Variants in ABCG1 observed in about 807,000 individuals in gnomAD.
ABCG1 encodes the protein ATP-binding cassette sub-family G member 1.
In ABCG1, 29 loss-of-function variants were observed where a neutral mutation model predicts 69.2. The observed-to-expected ratio is 0.42, with a 90% CI of 0.31 to 0.57. The LOEUF is 0.57. ABCG1 is among the 20% of genes least tolerant of loss of function. The pLI, the probability that ABCG1 is intolerant of heterozygous loss-of-function variation, is 0.15. For missense variants in ABCG1, 718 were observed against 898.1 expected (o/e 0.80, Z 2.56); for synonymous variants, 370 against 374.8 (o/e 0.99, Z 0.15).
At chr21:42,231,147 C>A (rs2067895631) in intron 2 of ABCG1, among the ~76,000 whole-genome samples, 2 of 152,256 alleles carry the variant, frequency 1.3e-5, no homozygotes, top group African/African-American at 4.8e-5. Context: ...GAGGCTCCAG[C>A]TTCCCTCTTC....
intron 2 of ABCG1, among the ~76,000 whole-genome samples, chr21:42,246,355 C>T (rs2068133941): frequency 6.6e-6 from 1 of 152,206 alleles, no homozygotes; most frequent in African/African-American, 2.4e-5. Flanking sequence ...ACTGGCAAAA[C>T]AATAAAGCTG....
upstream of ABCG1, among the ~76,000 whole-genome samples, chr21:42,215,137 T>C (rs1203346047): frequency 6.6e-6 from 1 of 152,150 alleles, no homozygotes; most frequent in Non-Finnish European, 1.5e-5. Context: ...AGACCTGTTG[T>C]TGGGGTCCTG....
intron 13 of ABCG1, among the ~76,000 whole-genome samples, chr21:42,293,963 T>TCCACACACACACTCCACACACACACA (rs2069151161): frequency 3.7e-5 from 1 of 26,974 alleles, no homozygotes; most frequent in South Asian, 8.7e-4. Flanking sequence ...ACACACACAC[T>TCCACACACACACTCCACACACACACA]CCACACACAC....
At chr21:42,294,895 A>G (rs1278658254) in intron 14 of ABCG1, 2 of 518,166 alleles carry the variant, frequency 3.9e-6, no homozygotes, top group Non-Finnish European at 7.0e-6. Flanking sequence ...CCGGAGAGCC[A>G]TGGCAGGACC....
intron 1 of ABCG1, among the ~76,000 whole-genome samples, chr21:42,200,404 G>A (rs757359770): frequency 6.6e-6 from 1 of 152,182 alleles, no homozygotes; most frequent in Non-Finnish European, 1.5e-5. Flanking sequence ...CAAGTGTTGG[G>A]CATGAATACA....
chr21:42,215,752 T>A (rs186738468), upstream of ABCG1, among the ~76,000 whole-genome samples: 2 of 152,188 alleles, frequency 1.3e-5, no homozygotes, highest in Non-Finnish European at 2.9e-5. Context: ...CTGGAAAGAA[T>A]GTTGTTGCCA....
In ABCG1 at chr21:42,219,336, C is replaced by A. The variant is rs745380523; in HGVS notation, c.42+32C>A. ...GAGCGCATCCTTCGTCCGCCGGGAA[C>A]GGTTTTATTTTCAAGGAGAGCAGGA... On this transcript the variant is annotated intron_variant, in intron 1 of 14. Coordinates refer to ENST00000398449, the MANE Select transcript of ABCG1 (RefSeq NM_016818.3). This position sits in a 1 kb window ranked among gnomAD's most constrained non-coding sequence, Gnocchi z 5.3. 7 of 1,593,106 alleles carry A rather than the reference C, an allele frequency of 4.4e-6. No homozygotes were observed. The highest frequency in any genetic ancestry group is 6.0e-6 in the Non-Finnish European group (7 of 1,173,424).
intron 10 of ABCG1, among the ~76,000 whole-genome samples, chr21:42,289,665 G>A (rs1438588191): frequency 6.6e-6 from 1 of 152,202 alleles, no homozygotes; most frequent in South Asian, 2.1e-4. Flanking sequence ...GCCGTCCACA[G>A]CAGAGTTCTT....
rs746554730 is a variant in ABCG1 at position 42,276,732 on chromosome 21, G to A, written c.538-163G>A. On this transcript the variant is annotated intron_variant, in intron 4 of 14. Coordinates refer to ENST00000398449, the MANE Select transcript of ABCG1 (RefSeq NM_016818.3). This position sits in a 1 kb window ranked among gnomAD's most constrained non-coding sequence, Gnocchi z 5.3. ...CGTGGCTAGCTGCACCGTGGCTAGC[G>A]GCATTGTGGCTAGCTGCACTGTGGG... 149 of 673,186 alleles carry A rather than the reference G, an allele frequency of 2.2e-4. No homozygotes were observed. Among genetic ancestry groups the A allele is most frequent in the Middle Eastern group, 4.3e-4 (1 of 2,352 alleles). 41.7% of individuals were successfully genotyped at this position (673,186 alleles called of 1,614,324 possible).
chr21:42,256,343 C>T (rs550330066), intron 2 of ABCG1: 33 of 1,550,010 alleles, frequency 2.1e-5, no homozygotes, highest in South Asian at 2.0e-4. Flanking sequence ...GCTGGGGCTC[C>T]GGGACATGGT....
At chr21:42,244,021 A>G (rs532168395) in intron 2 of ABCG1, among the ~76,000 whole-genome samples, 7 of 151,892 alleles carry the variant, frequency 4.6e-5, no homozygotes, top group Middle Eastern at 3.4e-3. Flanking sequence ...GGGTTTCACC[A>G]TGTTAACCAG....
chr21:42,250,163 G>A (rs1202549907), intron 2 of ABCG1, among the ~76,000 whole-genome samples: 1 of 152,104 alleles, frequency 6.6e-6, no homozygotes, highest in Non-Finnish European at 1.5e-5. Flanking sequence ...GACTCTTGGG[G>A]ACAGGAGGAG....
intron 2 of ABCG1, among the ~76,000 whole-genome samples, chr21:42,203,319 G>A (rs1214087510): frequency 6.6e-6 from 1 of 152,116 alleles, no homozygotes; most frequent in Non-Finnish European, 1.5e-5. Flanking sequence ...TTTTGATGTA[G>A]TCCCGTTTAT....
intron 2 of ABCG1, among the ~76,000 whole-genome samples, chr21:42,251,480 G>T (rs1274483283): frequency 6.6e-6 from 1 of 152,216 alleles, no homozygotes; most frequent in Non-Finnish European, 1.5e-5. Context: ...GCCACCGTGT[G>T]AAGTTTACTT....
intron 10 of ABCG1, among the ~76,000 whole-genome samples, chr21:42,289,676 A>G (rs2146339823): frequency 6.6e-6 from 1 of 152,348 alleles, no homozygotes; most frequent in Middle Eastern, 3.4e-3. Flanking sequence ...CAGAGTTCTT[A>G]GAGCCTCTGA....
chr21:42,235,784 G>T lies in ABCG1; in HGVS notation c.286+9870G>T, dbSNP rs142735445. Reference sequence around the variant, plus strand: ...ATGCTTCGTATCAGACTTAAGGTCTGTGTTGATGTTAATGTTACAGGCTAC... The same window carrying T: ...ATGCTTCGTATCAGACTTAAGGTCTTTGTTGATGTTAATGTTACAGGCTAC... On this transcript the variant is annotated intron_variant, in intron 2 of 14. Coordinates refer to ENST00000398449, the MANE Select transcript of ABCG1 (RefSeq NM_016818.3). Among the ~76,000 whole-genome samples, 151 of 152,326 alleles carry T rather than the reference G, an allele frequency of 9.9e-4. No homozygotes were observed. The Middle Eastern group carries it at 0.01, about 10-fold the overall frequency.
intron 13 of ABCG1, among the ~76,000 whole-genome samples, chr21:42,292,865 TACACACTACCCACC>T (rs1182220989): frequency 3.5e-5 from 3 of 86,456 alleles, no homozygotes; most frequent in African/African-American, 1.4e-4. Flanking sequence ...CACACCACAC[TACACACTACCCACC>T]ACACACTACA....
At chr21:42,248,297 A>T (rs896556443) in intron 2 of ABCG1, among the ~76,000 whole-genome samples, 43 of 152,162 alleles carry the variant, frequency 2.8e-4, no homozygotes, top group Non-Finnish European at 4.0e-4. Context: ...GTGAGAGTGG[A>T]GATGTGTCTG....
chr21:42,281,710 T>C (rs1362038520), intron 5 of ABCG1, among the ~76,000 whole-genome samples: 1 of 152,150 alleles, frequency 6.6e-6, no homozygotes, highest in African/African-American at 2.4e-5. Flanking sequence ...TGTGTGACCG[T>C]GTTCCTGCCC....
Sources: gnomAD v4.1 joint callset for allele counts (sites outside exome capture counted in the v4.1 genomes callset) on GRCh38, gnomAD v4.1.1 for gene constraint, Gnocchi (gnomAD v3.1) non-coding constraint, MANE v1.5 for transcripts, NCBI Gene and HGNC (gene_info 2026-07-23, HGNC 2026-07-21) for gene names.